RASGRF2: variants seen among roughly 807,000 people sequenced by gnomAD.
RASGRF2 encodes the protein ras-specific guanine nucleotide-releasing factor 2.
A neutral mutation model predicts 151.0 loss-of-function variants in RASGRF2; 76 were observed. That is an observed-to-expected ratio of 0.50 (90% CI 0.42 to 0.61). RASGRF2 has a LOEUF of 0.61. Ranked by LOEUF, RASGRF2 falls within the 20% of genes least tolerant of loss-of-function variation. The pLI is 0.00. For synonymous variants in RASGRF2, 504 were observed against 566.5 expected, an observed-to-expected ratio of 0.89 and a Z score of 1.57; for missense variants, 1,148 against 1,564.6, an observed-to-expected ratio of 0.73 and a Z score of 4.49.
intron 1 of RASGRF2, among the ~76,000 whole-genome samples, chr5:81,030,836 A>G (rs984626230): frequency 1.3e-5 from 2 of 152,252 alleles, no homozygotes; most frequent in African/African-American, 4.8e-5. Flanking sequence ...AAATGCTCCA[A>G]TTAAAAGACA....
At chr5:81,076,901 T>C (rs1751955810) in intron 5 of RASGRF2, among the ~76,000 whole-genome samples, 1 of 152,252 alleles carries the variant, frequency 6.6e-6, no homozygotes, top group Admixed American at 6.5e-5. Context: ...TGCATGTTTT[T>C]CTTTAGCCAC....
chr5:81,062,414 T>A (rs965315720), intron 2 of RASGRF2, among the ~76,000 whole-genome samples: 1 of 152,248 alleles, frequency 6.6e-6, no homozygotes, highest in African/African-American at 2.4e-5. Context: ...TTAGACAGTA[T>A]GTATTGTCTC....
At chr5:81,116,121 C>T (rs1392259373) in intron 15 of RASGRF2, among the ~76,000 whole-genome samples, 1 of 110,366 alleles carries the variant, frequency 9.1e-6, no homozygotes, top group Non-Finnish European at 1.7e-5. Flanking sequence ...CTCACTCTGT[C>T]TCCCAGGCTG....
At chr5:81,130,024 G>A (rs559116538) in intron 17 of RASGRF2, among the ~76,000 whole-genome samples, 8 of 152,226 alleles carry the variant, frequency 5.3e-5, no homozygotes, top group Non-Finnish European at 8.8e-5. Context: ...GGGCCAGAAG[G>A]AAAAAGTAAC....
At chr5:81,113,323 A>G in intron 14 of RASGRF2, 1 of 617,820 alleles carries the variant, frequency 1.6e-6, no homozygotes, top group East Asian at 2.9e-5. Context: ...TTTGGACCAC[A>G]GTTTAGTAGC....
At chr5:81,159,570 C>A (rs762122847) in intron 17 of RASGRF2, among the ~76,000 whole-genome samples, 1 of 152,066 alleles carries the variant, frequency 6.6e-6, no homozygotes, top group Non-Finnish European at 1.5e-5. Context: ...GGGGTGGGAA[C>A]AGGGATTGAC....
chr5:81,043,068 C>T (rs1167526043), intron 2 of RASGRF2, 85 bp downstream of exon 2: 6 of 1,001,196 alleles, frequency 6.0e-6, no homozygotes, highest in Admixed American at 4.9e-5. Flanking sequence ...TTTGGAAGAA[C>T]TTGCAACTCT....
At chr5:81,145,236 T>C (rs1363777016) in intron 17 of RASGRF2, among the ~76,000 whole-genome samples, 1 of 151,462 alleles carries the variant, frequency 6.6e-6, no homozygotes, top group African/African-American at 2.4e-5. Context: ...TCTCAAAAAA[T>C]GAAAAATAAA....
chr5:81,125,188 A>G (rs927414015), intron 16 of RASGRF2, among the ~76,000 whole-genome samples: 2 of 152,142 alleles, frequency 1.3e-5, no homozygotes, highest in Non-Finnish European at 2.9e-5. Context: ...CGCCCAGCCT[A>G]TAAAGGCATT....
In RASGRF2 at chr5:81,178,206, T is replaced by G. The variant is rs1042285102; in HGVS notation, c.2687-1969T>G. 2.0e-5 allele frequency among the ~76,000 whole-genome samples: 3 copies of G among 152,176 alleles called. No individual in the cohort carries two copies. In the East Asian group the frequency reaches 5.8e-4, roughly 29 times the overall value. ...CTGGTAGCTCAGCCCCAGTTTTGGT[T>G]TTGTAGATGGGAAGACATGGGACAG... On this transcript the variant is annotated intron_variant, in intron 17 of 26. Coordinates refer to ENST00000265080, the MANE Select transcript of RASGRF2 (RefSeq NM_006909.3).
chr5:81,041,362 G>C (rs141479816), intron 1 of RASGRF2, among the ~76,000 whole-genome samples: 24 of 151,726 alleles, frequency 1.6e-4, no homozygotes, highest in Non-Finnish European at 3.5e-4. Context: ...TGGGTGTACT[G>C]TTATTCGTGA....
At chr5:80,980,854 A>G (rs1482577486) in intron 1 of RASGRF2, among the ~76,000 whole-genome samples, 2 of 152,184 alleles carry the variant, frequency 1.3e-5, no homozygotes, top group Non-Finnish European at 2.9e-5. Context: ...GGAGGGGAAG[A>G]CAGCCTGTTG....
chr5:81,007,509 C>G (rs371101899), intron 1 of RASGRF2, among the ~76,000 whole-genome samples: 10 of 152,192 alleles, frequency 6.6e-5, no homozygotes, highest in African/African-American at 2.4e-4. Flanking sequence ...TTAGAGAGCC[C>G]TATTGTCAGC....
chr5:81,109,251 G>A (rs947117721), intron 13 of RASGRF2, among the ~76,000 whole-genome samples, 173 bp downstream of exon 13: 1 of 152,078 alleles, frequency 6.6e-6, no homozygotes, highest in African/African-American at 2.4e-5. Context: ...TATCAAAATG[G>A]TTTTTCACAT....
chr5:81,214,748 C>T (rs752336925), intron 23 of RASGRF2, among the ~76,000 whole-genome samples: 39 of 152,316 alleles, frequency 2.6e-4, no homozygotes, highest in Middle Eastern at 3.4e-3. Flanking sequence ...TGCCCAGCCA[C>T]GCTGCCTGGA....
At chr5:81,003,177 TC>T (rs1341777090) in intron 1 of RASGRF2, among the ~76,000 whole-genome samples, 1 of 149,450 alleles carries the variant, frequency 6.7e-6, no homozygotes, top group Non-Finnish European at 1.5e-5. Flanking sequence ...TGCCTCAGCC[TC>T]CCGAGTAGCG....
At chr5:81,186,695 A>G (rs10514211) in intron 18 of RASGRF2, among the ~76,000 whole-genome samples, 15,331 of 152,240 alleles carry the variant, frequency 0.1, 853 homozygotes, top group Middle Eastern at 0.2. Flanking sequence ...AGCGGATCTC[A>G]CAACCACACT....
rs989661140 is a variant in RASGRF2 at position 81,125,369 on chromosome 5, T to C, written c.2596+1602T>C. 3.9e-5 allele frequency among the ~76,000 whole-genome samples: 6 copies of C among 152,198 alleles called. No homozygotes were observed. In the South Asian group the frequency reaches 6.2e-4, roughly 16 times the overall value. On this transcript the variant is annotated intron_variant, in intron 16 of 26. Coordinates refer to ENST00000265080, the MANE Select transcript of RASGRF2 (RefSeq NM_006909.3). ...CTGGCTGTTGTTAGATGTCTGCCTT[T>C]GTGGATATTAGCCCTTGGGGCTTTA...
chr5:81,149,526 G>A (rs1448459221), intron 17 of RASGRF2, among the ~76,000 whole-genome samples: 1 of 151,990 alleles, frequency 6.6e-6, no homozygotes, highest in Non-Finnish European at 1.5e-5. Context: ...TGGGTACATT[G>A]TACACTACTT....
Sources: allele counts gnomAD v4.1 joint callset (sites outside exome capture counted in the v4.1 genomes callset), GRCh38; gene constraint gnomAD v4.1.1; transcripts MANE v1.5; gene names NCBI Gene and HGNC (gene_info 2026-07-23, HGNC 2026-07-21).